CSMD1: variants seen among roughly 807,000 people sequenced by gnomAD.
CSMD1 encodes the protein CUB and Sushi multiple domains 1, also known as CUB and sushi domain-containing protein 1.
CSMD1 carries 213 observed loss-of-function variants against 417.5 expected under a neutral mutation model. The observed-to-expected ratio is 0.51, with a 90% confidence interval of 0.46 to 0.57. The LOEUF (loss-of-function observed/expected upper bound fraction) is 0.57. Ranked by LOEUF, CSMD1 falls within the 20% of genes least tolerant of loss-of-function variation. CSMD1 has a pLI of 0.00. For synonymous variants in CSMD1, 2,862 were observed against 1,736.8 expected (o/e 1.65, Z -16.11); for missense variants, 6,923 against 4,529.7 (o/e 1.53, Z -15.17).
At chr8:4,213,707 C>T (rs756006109) in intron 3 of CSMD1, among the ~76,000 whole-genome samples, 84 of 152,150 alleles carry the variant, frequency 5.5e-4, no homozygotes, top group Non-Finnish European at 4.3e-4. Context: ...AAGCCGTGGG[C>T]TCCTGTGTGA....
At chr8:3,293,037 C>A (rs928693541) in intron 25 of CSMD1, among the ~76,000 whole-genome samples, 1 of 151,990 alleles carries the variant, frequency 6.6e-6, no homozygotes, top group South Asian at 2.1e-4. Flanking sequence ...GACAAAATCT[C>A]TCAGCATTTG....
At chr8:3,979,565 C>T (rs984187451) in intron 5 of CSMD1, among the ~76,000 whole-genome samples, 1 of 152,160 alleles carries the variant, frequency 6.6e-6, no homozygotes, top group Admixed American at 6.5e-5. Flanking sequence ...TTGGAAAACA[C>T]CTACAGGAAG....
At chr8:4,231,980 A>C (rs1025982249) in intron 3 of CSMD1, among the ~76,000 whole-genome samples, 5 of 152,268 alleles carry the variant, frequency 3.3e-5, no homozygotes, top group Non-Finnish European at 2.9e-5. Flanking sequence ...GCAAAAGGCT[A>C]ATCATTTTGT....
intron 5 of CSMD1, among the ~76,000 whole-genome samples, chr8:3,872,106 T>G (rs1563164293): frequency 6.6e-6 from 1 of 152,224 alleles, no homozygotes; most frequent in Non-Finnish European, 1.5e-5. Context: ...TTTCTCAAAT[T>G]TCTTTCCATT....
intron 7 of CSMD1, among the ~76,000 whole-genome samples, chr8:3,697,508 C>T (rs980463554): frequency 6.6e-6 from 1 of 152,112 alleles, no homozygotes; most frequent in East Asian, 1.9e-4. Flanking sequence ...GATAAGAAAG[C>T]TTCATTGATT....
intron 3 of CSMD1, among the ~76,000 whole-genome samples, chr8:4,288,165 A>G (rs1482505393): frequency 1.3e-5 from 2 of 152,132 alleles, no homozygotes; most frequent in Non-Finnish European, 2.9e-5. Context: ...AAAACACTAG[A>G]GAGTAGAACA....
rs1799434894 is a variant in CSMD1, at chr8:4,581,870, T to G, written c.302+55472A>C. ...CAAATCTCTGGACTCTTCTACCTCC[T>G]CCAGATCTGCTGTGAATTGTCCCCT... On this transcript the variant is annotated intron_variant, in intron 2 of 69. Coordinates refer to ENST00000635120, the MANE Select transcript of CSMD1 (RefSeq NM_033225.6). 3.9e-5 allele frequency among the ~76,000 whole-genome samples: 6 copies of G among 152,172 alleles called. No individual in the cohort carries two copies. The South Asian group carries it at 1.2e-3, about 32-fold the overall frequency.
chr8:4,320,515 CA>C (rs1799211131), intron 3 of CSMD1, among the ~76,000 whole-genome samples: 1 of 152,094 alleles, frequency 6.6e-6, no homozygotes, highest in Non-Finnish European at 1.5e-5. Flanking sequence ...CCTAGACCCC[CA>C]CCCCCCAACA....
intron 4 of CSMD1, among the ~76,000 whole-genome samples, chr8:4,008,484 C>A (rs1282166334): frequency 6.6e-6 from 1 of 150,814 alleles, no homozygotes; most frequent in Non-Finnish European, 1.5e-5. Context: ...TTCAGCTCTC[C>A]CTTGTTTACA....
chr8:4,301,277 A>G (rs185290651), intron 3 of CSMD1, among the ~76,000 whole-genome samples: 1 of 152,326 alleles, frequency 6.6e-6, no homozygotes, highest in Non-Finnish European at 1.5e-5. Flanking sequence ...CACAAAGTCA[A>G]CAAGCAAAAT....
In CSMD1 at chr8:4,681,242, A is replaced by G. The variant is rs375043718; in HGVS notation, c.86-43684T>C. Among the ~76,000 whole-genome samples the G allele has an allele frequency of 2.3e-3, 348 of 152,234 alleles. 13 individuals carry two copies. The South Asian group carries it at 0.057, about 25-fold the overall frequency. ...AGGTCATTTGAAAATAAGACCCTAG[A>G]TATCGATATGAATAAATCCAGTCTG... On this transcript the variant is annotated intron_variant, in intron 1 of 69. Transcript: ENST00000635120.
rs572483457 is a variant in CSMD1, at chr8:4,268,680, A to C, written c.415+151273T>G. ...ATTCCAAGTACATACAAAATAAGGA[A>C]GATATATGTGTATCTCAATTTTTTT... On this transcript the variant is annotated intron_variant, in intron 3 of 69. Coordinates refer to ENST00000635120, the MANE Select transcript of CSMD1 (RefSeq NM_033225.6). 6.6e-5 allele frequency among the ~76,000 whole-genome samples: 10 copies of C among 152,304 alleles called. No homozygotes were observed. The East Asian group carries it at 1.7e-3, about 26-fold the overall frequency.
intron 37 of CSMD1, among the ~76,000 whole-genome samples, chr8:3,165,896 G>C (rs367970353): frequency 6.6e-6 from 1 of 152,206 alleles, no homozygotes; most frequent in East Asian, 1.9e-4. Flanking sequence ...CTCCGAAACA[G>C]AAAAGCCAGA....
At chr8:4,011,996 A>G (rs930954612) in intron 4 of CSMD1, among the ~76,000 whole-genome samples, 2 of 151,436 alleles carry the variant, frequency 1.3e-5, no homozygotes, top group Non-Finnish European at 2.9e-5. Context: ...AATGGCTGTT[A>G]TACTGTATTG....
At chr8:4,075,893 T>G (rs927735026) in intron 3 of CSMD1, among the ~76,000 whole-genome samples, 8 of 152,174 alleles carry the variant, frequency 5.3e-5, no homozygotes, top group Non-Finnish European at 1.0e-4. Context: ...AAATTATAAT[T>G]GGAATCTTTC....
At chr8:4,403,674 C>T (rs77955421) in intron 3 of CSMD1, among the ~76,000 whole-genome samples, 1 of 151,928 alleles carries the variant, frequency 6.6e-6, no homozygotes, top group South Asian at 2.1e-4. Context: ...GAGTCTAACC[C>T]CTAGAGTAAC....
Position 4,221,454 on chromosome 8 carries a change from C to T in CSMD1, c.416-189355G>A, listed in dbSNP as rs914582896. ...TGGGTTAACAGACAACTGGAACTGA[C>T]TTAGCAGAATTGATAAAGCTGAAAT... On this transcript the variant is annotated intron_variant, in intron 3 of 69. Transcript: ENST00000635120. Among the ~76,000 whole-genome samples the T allele has an allele frequency of 4.6e-5, 7 of 151,418 alleles. No individual in the cohort carries two copies. The East Asian group carries it at 1.4e-3, about 29-fold the overall frequency.
At chr8:4,646,415 G>C (rs1013015269) in intron 1 of CSMD1, among the ~76,000 whole-genome samples, 2 of 152,120 alleles carry the variant, frequency 1.3e-5, no homozygotes, top group South Asian at 2.1e-4. Flanking sequence ...AGTGTCTCAA[G>C]GTTGTGGCAG....
chr8:3,643,495 G>A (rs553132498), intron 7 of CSMD1, among the ~76,000 whole-genome samples: 35 of 152,024 alleles, frequency 2.3e-4, no homozygotes, highest in African/African-American at 5.8e-4. Context: ...AAGGTCAGGA[G>A]ATCGAAACCA....
Sources: allele counts gnomAD v4.1 joint callset (sites outside exome capture counted in the v4.1 genomes callset), GRCh38; gene constraint gnomAD v4.1.1; transcripts MANE v1.5; gene names NCBI Gene and HGNC (gene_info 2026-07-23, HGNC 2026-07-21).